The following RABGAP1L variants were observed in gnomAD, a reference collection of about 807,000 sequenced individuals.
RABGAP1L encodes rab GTPase-activating protein 1-like.
Under a neutral mutation model 137.7 loss-of-function variants are expected in RABGAP1L, and 63 were observed. That is an observed-to-expected ratio of 0.46 (90% CI 0.37 to 0.56). The LOEUF is 0.56. RABGAP1L is among the 20% of genes least tolerant of loss of function. The probability of loss-of-function intolerance (pLI) is 0.00; values close to 1 mark genes in which losing one functional copy is unlikely to be tolerated. For synonymous variants in RABGAP1L, 431 were observed against 433.7 expected (o/e 0.99, Z 0.08); for missense variants, 1,095 against 1,244.0 (o/e 0.88, Z 1.80).
intron 19 of RABGAP1L, among the ~76,000 whole-genome samples, chr1:174,917,502 T>C (rs932352321): frequency 1.1e-4 from 17 of 152,210 alleles, no homozygotes; most frequent in Non-Finnish European, 1.0e-4. Context: ...GAGGCAGTTA[T>C]AGTGTTATAA....
Position 174,964,733 on chromosome 1 carries a change from T to A in RABGAP1L, c.2434-4544T>A, listed in dbSNP as rs1669462122. On this transcript the variant is annotated intron_variant, in intron 20 of 25. Coordinates refer to ENST00000681986, the MANE Select transcript of RABGAP1L (RefSeq NM_001366446.1). ...AGAGGGAGGAGTTTGAAGATATGAGTCTTCCTGAGTTGAGACTTGCCCACT... is the reference window on the plus strand; with the variant it reads ...AGAGGGAGGAGTTTGAAGATATGAGACTTCCTGAGTTGAGACTTGCCCACT... The A allele has an allele frequency of 2.5e-6, 3 of 1,196,174 alleles. No homozygotes were observed. In the South Asian group the frequency reaches 5.4e-5, roughly 21 times the overall value. 74.1% of individuals were successfully genotyped at this position (1,196,174 alleles called of 1,614,324 possible). A position where few individuals can be genotyped will look rare whatever the true frequency, so the allele number is the denominator to read the frequency against.
chr1:174,732,808 G>T (rs1682598487), intron 17 of RABGAP1L, among the ~76,000 whole-genome samples: 1 of 152,072 alleles, frequency 6.6e-6, no homozygotes, highest in Non-Finnish European at 1.5e-5. Context: ...GTTTACTGTG[G>T]TTGGGATTTA....
chr1:174,629,743 CGAA>C (rs1490806519), intron 13 of RABGAP1L, among the ~76,000 whole-genome samples: 1 of 152,074 alleles, frequency 6.6e-6, no homozygotes. Flanking sequence ...AGGCTGGTCT[CGAA>C]GTCCTGAGCT....
At chr1:174,925,932 T>C (rs977342872) in intron 19 of RABGAP1L, among the ~76,000 whole-genome samples, 2 of 147,554 alleles carry the variant, frequency 1.4e-5, no homozygotes, top group African/African-American at 4.9e-5. Flanking sequence ...TGGTGTGATC[T>C]TGGCTGACTG....
chr1:174,812,003 G>A lies in RABGAP1L; in HGVS notation c.2340+43G>A, dbSNP rs1262934363. Reference sequence around the variant, plus strand: ...TATATAATAAAGGTAAAATATGAGTGCAGAATAATATGACAAATTATGTAA... The same window carrying A: ...TATATAATAAAGGTAAAATATGAGTACAGAATAATATGACAAATTATGTAA... On this transcript the variant is annotated intron_variant, in intron 19 of 25. Coordinates refer to ENST00000681986, the MANE Select transcript of RABGAP1L (RefSeq NM_001366446.1). 2.6e-6 allele frequency: 4 copies of A among 1,513,012 alleles called. No individual in the cohort carries two copies. The African/African-American group carries it at 5.7e-5, about 21-fold the overall frequency. 93.7% of individuals were successfully genotyped at this position (1,513,012 alleles called of 1,614,324 possible). A position where few individuals can be genotyped will look rare whatever the true frequency, so the allele number is the denominator to read the frequency against.
At position 174,823,929 on chromosome 1, in the gene RABGAP1L, C is replaced by T. The variant is rs548440481; in HGVS notation, c.2340+11969C>T. Reference sequence around the variant, plus strand: ...CTCCCAATACTTTGGGATACTTTGCCGATCACTTGAGGTCAGGAATTTGAA... The same window carrying T: ...CTCCCAATACTTTGGGATACTTTGCTGATCACTTGAGGTCAGGAATTTGAA... On this transcript the variant is annotated intron_variant, in intron 19 of 25. Transcript: ENST00000681986. Among the ~76,000 whole-genome samples, 3 of 152,190 alleles carry T rather than the reference C, an allele frequency of 2.0e-5. No individual in the cohort carries two copies. In the East Asian group the frequency reaches 5.8e-4, roughly 29 times the overall value.
At chr1:174,800,220 C>A in intron 18 of RABGAP1L, 1 of 1,412,752 alleles carries the variant, frequency 7.1e-7, no homozygotes, top group Non-Finnish European at 9.2e-7. Context: ...CCACCACAGA[C>A]TGGCTTGTAC....
At chr1:174,959,654 T>C (rs1355643528) in intron 20 of RABGAP1L, among the ~76,000 whole-genome samples, 1 of 152,222 alleles carries the variant, frequency 6.6e-6, no homozygotes, top group Non-Finnish European at 1.5e-5. Context: ...GGATACCCTC[T>C]ATTGCTATTT....
At chr1:174,783,199 C>T (rs1417562733) in intron 18 of RABGAP1L, among the ~76,000 whole-genome samples, 1 of 152,146 alleles carries the variant, frequency 6.6e-6, no homozygotes, top group African/African-American at 2.4e-5. Context: ...GCTAAAGGCT[C>T]GCCATTGTTC....
intron 12 of RABGAP1L, among the ~76,000 whole-genome samples, chr1:174,389,164 A>G (rs1236424301): frequency 1.3e-5 from 2 of 152,028 alleles, no homozygotes; most frequent in African/African-American, 4.8e-5. Context: ...TTTTCTTGAA[A>G]CATTTCTTAA....
intron 19 of RABGAP1L, among the ~76,000 whole-genome samples, chr1:174,916,077 T>G (rs1243447765): frequency 1.7e-5 from 2 of 115,562 alleles, no homozygotes; most frequent in Admixed American, 8.7e-5. Context: ...TTTTCTTTAG[T>G]TTTTTTTTTT....
intron 14 of RABGAP1L, among the ~76,000 whole-genome samples, chr1:174,661,585 T>G (rs998308076): frequency 4.6e-5 from 7 of 152,250 alleles, no homozygotes; most frequent in Admixed American, 6.5e-5. Flanking sequence ...ATTATTATAA[T>G]CAATAGCAAT....
Position 174,250,612 on chromosome 1 carries a change from C to T in RABGAP1L, c.855C>T (p.Asp285=), listed in dbSNP as rs752096498. Residue 285 remains aspartate, a synonymous_variant, in exon 6 of 26, where the codon GAC becomes GAT. Transcript: ENST00000681986. ...GTGTCTCCTTGGAGGTAAAAGAAGA[C>T]GATGGAAAAGGAAACTTTAGGTGAG... ...TFSVSLEVKE[D]DGKGNFSPVP... is the part of the protein sequence containing the mutation. 23 of 1,611,616 alleles carry T rather than the reference C, an allele frequency of 1.4e-5. No homozygotes were observed. The highest frequency in any genetic ancestry group is 3.3e-4 in the Middle Eastern group (2 of 6,068).
chr1:174,347,422 A>G (rs1158299160), intron 11 of RABGAP1L, among the ~76,000 whole-genome samples: 1 of 150,130 alleles, frequency 6.7e-6, no homozygotes, highest in Admixed American at 6.6e-5. Flanking sequence ...TACAATCATT[A>G]TATTCTGTTG....
At position 174,669,183 on chromosome 1, in the gene RABGAP1L, G is replaced by T. The variant is rs141849070; in HGVS notation, c.1825-14339G>T. Among the ~76,000 whole-genome samples the T allele has an allele frequency of 4.6e-3, 698 of 152,160 alleles. 1 individual carries two copies. Among genetic ancestry groups the T allele is most frequent in the Middle Eastern group, 0.01 (3 of 294 alleles). ...AGCAAGGCACCTTCTTCACAGGGCG[G>T]CAAGAAGGAGAATGAATGCAGGAGG... On this transcript the variant is annotated intron_variant, in intron 14 of 25. Coordinates refer to ENST00000681986, the MANE Select transcript of RABGAP1L (RefSeq NM_001366446.1).
chr1:174,667,132 A>G (rs865892945), intron 14 of RABGAP1L, among the ~76,000 whole-genome samples: 1 of 152,176 alleles, frequency 6.6e-6, no homozygotes, highest in Non-Finnish European at 1.5e-5. Context: ...ATGATAATTA[A>G]TATGTTACAT....
intron 13 of RABGAP1L, among the ~76,000 whole-genome samples, chr1:174,463,233 T>G (rs1481995430): frequency 1.3e-5 from 2 of 152,094 alleles, no homozygotes; most frequent in Admixed American, 1.3e-4. Context: ...TGCGGCACTA[T>G]TCACAATAGC....
At chr1:174,629,442 C>T (rs555672986) in intron 13 of RABGAP1L, among the ~76,000 whole-genome samples, 6 of 152,308 alleles carry the variant, frequency 3.9e-5, no homozygotes, top group African/African-American at 1.4e-4. Flanking sequence ...AAATTATTCC[C>T]TTAGCCAAAT....
At chr1:174,550,917 C>CACACACAT (rs1374389910) in intron 13 of RABGAP1L, among the ~76,000 whole-genome samples, 1,270 of 95,850 alleles carry the variant, frequency 0.013, 12 homozygotes, top group South Asian at 0.018. Flanking sequence ...TATACACACA[C>CACACACAT]ACACATATAT....
Sources: allele counts gnomAD v4.1 joint callset (sites outside exome capture counted in the v4.1 genomes callset), GRCh38; gene constraint gnomAD v4.1.1; transcripts MANE v1.5; gene names NCBI Gene and HGNC (gene_info 2026-07-23, HGNC 2026-07-21).